The following FRMPD4 variants were observed in gnomAD, a reference collection of about 807,000 sequenced individuals.
FRMPD4 encodes FERM and PDZ domain containing 4.
A neutral mutation model predicts 94.1 loss-of-function variants in FRMPD4; 22 were observed. The ratio of observed to expected loss-of-function variants is 0.23; its 90% CI spans 0.17 to 0.33. The LOEUF is 0.33. FRMPD4 is among the 10% of genes least tolerant of loss of function. FRMPD4 has a pLI of 1.00. For missense variants in FRMPD4, 1,111 were observed against 1,339.9 expected, an observed-to-expected ratio of 0.83 and a Z score of 2.67; for synonymous variants, 631 against 548.6, an observed-to-expected ratio of 1.15 and a Z score of -2.10.
intron 1 of FRMPD4, among the ~76,000 whole-genome samples, chrX:12,468,765 T>C (rs1312787052): frequency 8.9e-6 from 1 of 111,899 alleles, no homozygotes; most frequent in Non-Finnish European, 1.9e-5. Flanking sequence ...CAGACAGGTG[T>C]CTGCTCTTTT....
chrX:11,842,941 G>A (rs2053547345), intron 1 of FRMPD4, among the ~76,000 whole-genome samples: 1 of 111,111 alleles, frequency 9.0e-6, no homozygotes, highest in Non-Finnish European at 1.9e-5. Context: ...CTAATTTATT[G>A]AGGCCTTTGA....
chrX:12,493,769 A>G (rs1430913294), intron 1 of FRMPD4, among the ~76,000 whole-genome samples: 1 of 111,996 alleles, frequency 8.9e-6, no homozygotes, highest in Non-Finnish European at 1.9e-5. Flanking sequence ...GCCTGTGAGT[A>G]TCCTAAGCAG....
chrX:12,711,320 G>A (rs927741772), intron 14 of FRMPD4, among the ~76,000 whole-genome samples: 3 of 111,736 alleles, frequency 2.7e-5, no homozygotes, highest in South Asian at 3.8e-4. Context: ...ACAGGAAGAC[G>A]TGGTTATTGC....
At chrX:12,011,308 A>G (rs2147414546) in intron 3 of FRMPD4, among the ~76,000 whole-genome samples, 1 of 112,058 alleles carries the variant, frequency 8.9e-6, no homozygotes, top group South Asian at 3.7e-4. Context: ...CGAGGATAGA[A>G]CCATGAGGAG....
In FRMPD4 at chrX:12,230,821, T is replaced by C. The variant is rs1174864650; in HGVS notation, c.41+91809T>C. ...TACCAACACATCACCCTCCCGTCTA[T>C]TTTTTTCTAGACCTAACTACAAAGC... On this transcript the variant is annotated intron_variant, in intron 1 of 16. Transcript: ENST00000675598. Among the ~76,000 whole-genome samples the C allele has an allele frequency of 4.1e-5, 4 of 97,721 alleles. No individual in the cohort carries two copies. In the East Asian group the frequency reaches 1.2e-3, roughly 30 times the overall value. The allele number at this position is 97,721 out of a possible 115,157, so 84.9% of individuals were successfully genotyped here. A position where few individuals can be genotyped will look rare whatever the true frequency, so the allele number is the denominator to read the frequency against.
At chrX:12,291,086 C>A (rs2054680689) in intron 1 of FRMPD4, among the ~76,000 whole-genome samples, 1 of 111,432 alleles carries the variant, frequency 9.0e-6, no homozygotes, top group Non-Finnish European at 1.9e-5. Flanking sequence ...GCTCAAATCC[C>A]TGGTTGGGTA....
At chrX:12,050,816 A>G (rs1417413135) in intron 3 of FRMPD4, among the ~76,000 whole-genome samples, 2 of 110,732 alleles carry the variant, frequency 1.8e-5, no homozygotes, top group Admixed American at 1.9e-4. Flanking sequence ...AATAGTTCCA[A>G]TCATACTTAA....
chrX:12,422,553 C>T (rs2056897294), intron 1 of FRMPD4, among the ~76,000 whole-genome samples: 1 of 111,725 alleles, frequency 9.0e-6, no homozygotes, highest in Non-Finnish European at 1.9e-5. Context: ...ATAAGGTACC[C>T]AGCTCGGTGC....
intron 1 of FRMPD4, among the ~76,000 whole-genome samples, chrX:12,224,565 A>G (rs1026492512): frequency 8.9e-6 from 1 of 112,021 alleles, no homozygotes; most frequent in Non-Finnish European, 1.9e-5. Flanking sequence ...TCTTTTTATA[A>G]TAAGTTTTGC....
At chrX:11,884,576 T>G (rs903746430) in intron 3 of FRMPD4, among the ~76,000 whole-genome samples, 2 of 111,524 alleles carry the variant, frequency 1.8e-5, no homozygotes, top group African/African-American at 6.5e-5. Flanking sequence ...TAGGTATTTA[T>G]ATATACACAC....
intron 3 of FRMPD4, among the ~76,000 whole-genome samples, chrX:11,968,424 G>A (rs1280629852): frequency 1.8e-5 from 2 of 111,674 alleles, no homozygotes; most frequent in Non-Finnish European, 3.8e-5. Context: ...GAGACACAGG[G>A]TTTATTGAGG....
chrX:12,170,711 A>AACGAGGAGTTCC (rs113455762), intron 1 of FRMPD4, among the ~76,000 whole-genome samples: 11 of 110,909 alleles, frequency 9.9e-5, no homozygotes, highest in African/African-American at 3.6e-4. Flanking sequence ...GCTTGGTGGC[A>AACGAGGAGTTCC]ACTCCCGCGA....
At chrX:12,378,924 G>A (rs181710535) in intron 1 of FRMPD4, among the ~76,000 whole-genome samples, 1 of 111,961 alleles carries the variant, frequency 8.9e-6, no homozygotes, top group Admixed American at 9.5e-5. Flanking sequence ...TGCTGCCTCT[G>A]TGTTCTTTTA....
At chrX:12,167,160 G>T (rs2056134590) in intron 1 of FRMPD4, among the ~76,000 whole-genome samples, 1 of 111,520 alleles carries the variant, frequency 9.0e-6, no homozygotes, top group South Asian at 3.8e-4. Context: ...CTTGATTTTA[G>T]ATCTTTCCTG....
At chrX:12,262,764 ATCTCTAAAAAGGAGATAGTTG>A (rs2054212261) in intron 1 of FRMPD4, among the ~76,000 whole-genome samples, 1 of 111,794 alleles carries the variant, frequency 8.9e-6, no homozygotes. Context: ...CCATTTGTGT[ATCTCTAAAAAGGAGATAGTTG>A]TCTCTTCCTT....
At chrX:12,599,744 G>A (rs2059067429) in intron 2 of FRMPD4, among the ~76,000 whole-genome samples, 1 of 111,741 alleles carries the variant, frequency 8.9e-6, no homozygotes, top group Non-Finnish European at 1.9e-5. Flanking sequence ...CACACCAGAA[G>A]TTAGGAACCC....
intron 1 of FRMPD4, among the ~76,000 whole-genome samples, chrX:12,317,596 A>C (rs1054894485): frequency 2.6e-4 from 28 of 105,860 alleles, no homozygotes; most frequent in Non-Finnish European, 4.0e-4. Flanking sequence ...AAAAAAAAAA[A>C]AAAAAAACAA....
At chrX:12,249,516 A>AG (rs1456766173) in intron 1 of FRMPD4, among the ~76,000 whole-genome samples, 1 of 111,274 alleles carries the variant, frequency 9.0e-6, no homozygotes, top group Non-Finnish European at 1.9e-5. Flanking sequence ...AGCTGGATGG[A>AG]GGTACCTGAG....
chrX:12,598,457 C>G (rs758338188), intron 2 of FRMPD4, among the ~76,000 whole-genome samples: 2 of 111,616 alleles, frequency 1.8e-5, no homozygotes, highest in African/African-American at 6.5e-5. Context: ...TCTTCCCATC[C>G]TCATTCTCTC....
Sources: allele counts gnomAD v4.1 joint callset (sites outside exome capture counted in the v4.1 genomes callset), GRCh38; gene constraint gnomAD v4.1.1; transcripts MANE v1.5; gene names NCBI Gene and HGNC (gene_info 2026-07-23, HGNC 2026-07-21).